PTPRM: variants seen among roughly 807,000 people sequenced by gnomAD.
PTPRM encodes receptor-type tyrosine-protein phosphatase mu.
In PTPRM, 47 loss-of-function variants were observed where a neutral mutation model predicts 186.7. The observed-to-expected ratio is 0.25, with a 90% CI of 0.20 to 0.32. The LOEUF is 0.32. Ranked by LOEUF, PTPRM falls within the 10% of genes least tolerant of loss-of-function variation. The pLI is 1.00. For missense variants in PTPRM, 1,494 were observed against 1,865.0 expected (o/e 0.80, Z 3.66); for synonymous variants, 668 against 674.9 (o/e 0.99, Z 0.16).
intron 29 of PTPRM, among the ~76,000 whole-genome samples, chr18:8,383,617 G>A (rs1380791967): frequency 6.6e-6 from 1 of 152,146 alleles, no homozygotes; most frequent in Non-Finnish European, 1.5e-5. Context: ...AATACCTAGA[G>A]TTTGAGGCTG....
chr18:8,182,529 C>G (rs1328387696), intron 14 of PTPRM, among the ~76,000 whole-genome samples: 1 of 152,218 alleles, frequency 6.6e-6, no homozygotes, highest in Non-Finnish European at 1.5e-5. Context: ...TGTTGCTAAG[C>G]TGACTTCCAA....
chr18:8,174,390 C>G (rs955509203), intron 14 of PTPRM, among the ~76,000 whole-genome samples: 6 of 152,200 alleles, frequency 3.9e-5, no homozygotes, highest in African/African-American at 2.4e-5. Flanking sequence ...AGATCTCTTT[C>G]ACTGTCATAG....
chr18:8,305,667 A>G (rs1421409260), intron 20 of PTPRM, among the ~76,000 whole-genome samples: 1 of 152,212 alleles, frequency 6.6e-6, no homozygotes, highest in Non-Finnish European at 1.5e-5. Context: ...AGCAGATACC[A>G]GGAGATTAAA....
chr18:8,385,201 C>G (rs967418395), intron 30 of PTPRM, among the ~76,000 whole-genome samples: 6 of 152,068 alleles, frequency 3.9e-5, no homozygotes, highest in Admixed American at 3.9e-4. Context: ...TTCTTGCCCA[C>G]GGTGACTTAA....
intron 7 of PTPRM, among the ~76,000 whole-genome samples, chr18:8,037,341 G>A (rs1452588324): frequency 6.6e-6 from 1 of 152,090 alleles, no homozygotes; most frequent in Non-Finnish European, 1.5e-5. Flanking sequence ...TGTTTGTGAG[G>A]AAAAATATTT....
At chr18:7,715,305 A>T (rs980264735) in intron 1 of PTPRM, among the ~76,000 whole-genome samples, 1 of 152,164 alleles carries the variant, frequency 6.6e-6, no homozygotes, top group Non-Finnish European at 1.5e-5. Context: ...AAAATTCAAC[A>T]CCTCTTCATG....
chr18:8,301,522 A>G (rs2095157818), intron 20 of PTPRM, among the ~76,000 whole-genome samples: 1 of 152,194 alleles, frequency 6.6e-6, no homozygotes, highest in Admixed American at 6.5e-5. Context: ...GAATCTGCAG[A>G]AGCTTCCCAG....
At chr18:8,327,044 C>T (rs1194709830) in intron 22 of PTPRM, among the ~76,000 whole-genome samples, 1 of 152,064 alleles carries the variant, frequency 6.6e-6, no homozygotes, top group African/African-American at 2.4e-5. Flanking sequence ...TTATGTAAAC[C>T]CCTAAATAGC....
chr18:8,399,868 C>T (rs1006115655), intron 32 of PTPRM: 4 of 152,262 alleles, frequency 2.6e-5, no homozygotes, highest in South Asian at 2.1e-4. Context: ...AGCCATTAGA[C>T]GAAAATTCCA....
At position 8,271,292 on chromosome 18, in the gene PTPRM, A is replaced by G. The variant is rs544271363; in HGVS notation, c.2754+17878A>G. ...TTTCTCTTCTTTGGTATGTTAACAT[A>G]GAAAGTTAATATAACATATATGTGA... On this transcript the variant is annotated intron_variant, in intron 19 of 32. Coordinates refer to ENST00000580170, the MANE Select transcript of PTPRM (RefSeq NM_001105244.2). Among the ~76,000 whole-genome samples, 5 of 151,846 alleles carry G rather than the reference A, an allele frequency of 3.3e-5. No homozygotes were observed. In the South Asian group the frequency reaches 6.2e-4, roughly 19 times the overall value.
intron 14 of PTPRM, among the ~76,000 whole-genome samples, chr18:8,218,014 C>T (rs1044864833): frequency 8.5e-5 from 13 of 152,128 alleles, no homozygotes; most frequent in African/African-American, 3.1e-4. Context: ...TCAGTTCTCC[C>T]AGCCCGTTCC....
At chr18:8,101,517 T>G (rs938613572) in intron 11 of PTPRM, among the ~76,000 whole-genome samples, 1 of 152,186 alleles carries the variant, frequency 6.6e-6, no homozygotes. Flanking sequence ...ATTACAGCAA[T>G]AGAAAATGAA....
intron 7 of PTPRM, among the ~76,000 whole-genome samples, chr18:8,056,102 A>G (rs1304303066): frequency 6.6e-6 from 1 of 152,150 alleles, no homozygotes; most frequent in Admixed American, 6.5e-5. Flanking sequence ...AAATTGTAAT[A>G]ATTACTTTAT....
Position 8,247,746 on chromosome 18 carries a change from G to GTGGGTAGCATGGAGTCACCA in PTPRM, c.2453-93_2453-74dup. 7 of 821,844 alleles carry GTGGGTAGCATGGAGTCACCA rather than the reference G, an allele frequency of 8.5e-6. No homozygotes were observed. The South Asian group carries it at 8.9e-5, about 10-fold the overall frequency. 50.9% of individuals were successfully genotyped at this position (821,844 alleles called of 1,614,324 possible). A position where few individuals can be genotyped will look rare whatever the true frequency, so the allele number is the denominator to read the frequency against. ...GACATCAGTGAGTCCCGGAGTCACC[G>GTGGGTAGCATGGAGTCACCA]TGGGTAGCATGGAGTCACCATGGGT... On this transcript the variant is annotated intron_variant, in intron 15 of 32. Transcript: ENST00000580170.
At chr18:8,201,752 G>A (rs992692723) in intron 14 of PTPRM, among the ~76,000 whole-genome samples, 2 of 152,108 alleles carry the variant, frequency 1.3e-5, no homozygotes, top group Non-Finnish European at 2.9e-5. Context: ...CCACCCTAAA[G>A]ACCTCATTTA....
intron 17 of PTPRM, among the ~76,000 whole-genome samples, chr18:8,250,479 A>G (rs1035677126): frequency 1.3e-5 from 2 of 152,204 alleles, no homozygotes; most frequent in Non-Finnish European, 1.5e-5. Flanking sequence ...ATTATTTTTA[A>G]TTAAAAAAAA....
intron 1 of PTPRM, among the ~76,000 whole-genome samples, chr18:7,650,744 G>A (rs1157434434): frequency 2.0e-5 from 3 of 151,540 alleles, no homozygotes; most frequent in Admixed American, 6.6e-5. Context: ...CAGCAGAAAT[G>A]GTTGAAGAAA....
At chr18:7,918,131 C>G (rs1000957388) in intron 4 of PTPRM, among the ~76,000 whole-genome samples, 1 of 149,368 alleles carries the variant, frequency 6.7e-6, no homozygotes, top group Non-Finnish European at 1.5e-5. Context: ...TCTTTATTTA[C>G]TTATTTATTG....
At chr18:7,572,558 A>G (rs1272171749) in intron 1 of PTPRM, among the ~76,000 whole-genome samples, 1 of 152,162 alleles carries the variant, frequency 6.6e-6, no homozygotes, top group Non-Finnish European at 1.5e-5. Flanking sequence ...TTTAGATTTC[A>G]TTAAGTTTCT....
Sources: gnomAD v4.1 joint callset for allele counts (sites outside exome capture counted in the v4.1 genomes callset) on GRCh38, gnomAD v4.1.1 for gene constraint, MANE v1.5 for transcripts, NCBI Gene and HGNC (gene_info 2026-07-23, HGNC 2026-07-21) for gene names.